RBFOX1: variants seen among roughly 807,000 people sequenced by gnomAD.
RBFOX1 encodes the protein RNA binding protein fox-1 homolog 1.
A neutral mutation model predicts 57.7 loss-of-function variants in RBFOX1; 8 were observed. That is an observed-to-expected ratio of 0.14 (90% CI 0.08 to 0.25). The LOEUF (loss-of-function observed/expected upper bound fraction) is 0.25, where lower values mean the gene tolerates loss of function less well. Ranked by LOEUF, RBFOX1 falls within the 10% of genes least tolerant of loss-of-function variation. The pLI, the probability that RBFOX1 is intolerant of heterozygous loss-of-function variation, is 1.00. For missense variants in RBFOX1, 611 were observed against 548.5 expected, an observed-to-expected ratio of 1.11 and a Z score of -1.14; for synonymous variants, 326 against 222.4, an observed-to-expected ratio of 1.47 and a Z score of -4.15.
At chr16:5,887,028 T>G (rs2057916434) in intron 4 of RBFOX1, among the ~76,000 whole-genome samples, 1 of 152,180 alleles carries the variant, frequency 6.6e-6, no homozygotes, top group Non-Finnish European at 1.5e-5. Context: ...TGCAGAATGT[T>G]TACCATCATT....
intron 3 of RBFOX1, among the ~76,000 whole-genome samples, chr16:7,033,021 G>A (rs371263358): frequency 1.3e-5 from 2 of 152,192 alleles, no homozygotes; most frequent in African/African-American, 4.8e-5. Flanking sequence ...AATAGCAGGA[G>A]CACCTACTGT....
rs116576105 is a variant in RBFOX1 at position 5,761,315 on chromosome 16, C to G, written c.319-105988C>G. ...CCCCCCAACTTTTTAAAATGGTTTT[C>G]TAGCCACTCAGCTGCAAAGAGATAG... On this transcript the variant is annotated intron_variant, in intron 3 of 19. Transcript: ENST00000641259. 5.6e-3 allele frequency among the ~76,000 whole-genome samples: 847 copies of G among 152,272 alleles called. 7 individuals are homozygous for G. Among genetic ancestry groups the G allele is most frequent in the African/African-American group, 0.017 (727 of 41,572 alleles).
At chr16:7,398,243 C>T (rs558542531) in intron 4 of RBFOX1, among the ~76,000 whole-genome samples, 1 of 152,302 alleles carries the variant, frequency 6.6e-6, no homozygotes, top group South Asian at 2.1e-4. Flanking sequence ...ATCACAGTGG[C>T]AGGAGCATAG....
chr16:5,369,414 A>G (rs1041641887), intron 1 of RBFOX1, among the ~76,000 whole-genome samples: 1 of 152,230 alleles, frequency 6.6e-6, no homozygotes, highest in African/African-American at 2.4e-5. Flanking sequence ...ACTGACAGAC[A>G]TAGTCGTCTC....
intron 3 of RBFOX1, among the ~76,000 whole-genome samples, chr16:6,708,748 C>T (rs149364842): frequency 7.9e-5 from 12 of 152,298 alleles, no homozygotes; most frequent in East Asian, 1.9e-4. Flanking sequence ...TCAACTCAGG[C>T]GTCCCTTCGA....
intron 3 of RBFOX1, among the ~76,000 whole-genome samples, chr16:6,806,823 T>TAAATATATAAATATATAAATATATAAAA: frequency 1.2e-5 from 1 of 83,704 alleles, no homozygotes; most frequent in South Asian, 3.6e-4. Flanking sequence ...TATAAATATA[T>TAAATATATAAATATATAAATATATAAAA]ATATATATAT....
intron 3 of RBFOX1, among the ~76,000 whole-genome samples, chr16:7,000,045 C>T (rs2092645970): frequency 6.9e-6 from 1 of 145,784 alleles, no homozygotes; most frequent in Non-Finnish European, 1.5e-5. Flanking sequence ...GCACTCCAGC[C>T]TGGGCAACAG....
intron 2 of RBFOX1, among the ~76,000 whole-genome samples, chr16:5,573,021 T>C (rs1189138128): frequency 6.6e-6 from 1 of 152,020 alleles, no homozygotes; most frequent in Admixed American, 6.5e-5. Context: ...CCACTGCATG[T>C]ACAGAGGGCC....
At chr16:5,513,232 C>A (rs763510308) in intron 2 of RBFOX1, among the ~76,000 whole-genome samples, 2 of 152,046 alleles carry the variant, frequency 1.3e-5, no homozygotes, top group African/African-American at 2.4e-5. Flanking sequence ...TTTTTAATGA[C>A]CTTGATGGTT....
chr16:5,460,624 C>T lies in RBFOX1; in HGVS notation c.220-6592C>T, dbSNP rs530520770. On this transcript the variant is annotated intron_variant, in intron 1 of 2. Coordinates refer to the RBFOX1 transcript ENST00000585867. ...CTGACAGTGCTCCTTGTCACAGCAA[C>T]ATGCTTTCCAGTGAAGGGTGAGGAA... 3.3e-5 allele frequency among the ~76,000 whole-genome samples: 5 copies of T among 152,340 alleles called. No homozygotes were observed. In the East Asian group the frequency reaches 9.6e-4, roughly 29 times the overall value.
chr16:6,856,755 G>A (rs962221823), intron 3 of RBFOX1, among the ~76,000 whole-genome samples: 5 of 152,070 alleles, frequency 3.3e-5, no homozygotes, highest in Admixed American at 2.0e-4. Flanking sequence ...TGATCCATTT[G>A]TCAAAAACCG....
At chr16:7,581,902 A>G (rs191871251) in intron 6 of RBFOX1, among the ~76,000 whole-genome samples, 341 of 151,954 alleles carry the variant, frequency 2.2e-3, no homozygotes, top group Admixed American at 3.6e-3. Context: ...TTTTTAATAG[A>G]GATGGGGTCT....
intron 3 of RBFOX1, among the ~76,000 whole-genome samples, chr16:5,753,550 G>A (rs1317742755): frequency 6.6e-6 from 1 of 152,290 alleles, no homozygotes; most frequent in East Asian, 1.9e-4. Context: ...CTCCTCCAGT[G>A]GTGTGCTGCA....
At chr16:7,139,978 T>G (rs1355271894) in intron 4 of RBFOX1, among the ~76,000 whole-genome samples, 3 of 152,072 alleles carry the variant, frequency 2.0e-5, no homozygotes, top group South Asian at 2.1e-4. Flanking sequence ...TGACTTGATA[T>G]CCAAGTCAAG....
At chr16:6,868,825 G>C (rs1384625242) in intron 3 of RBFOX1, among the ~76,000 whole-genome samples, 1 of 152,096 alleles carries the variant, frequency 6.6e-6, no homozygotes, top group African/African-American at 2.4e-5. Flanking sequence ...TCGAAAGATG[G>C]GCTTTGCCAT....
At chr16:6,885,583 G>C (rs1176370435) in intron 3 of RBFOX1, among the ~76,000 whole-genome samples, 2 of 151,914 alleles carry the variant, frequency 1.3e-5, no homozygotes, top group African/African-American at 4.8e-5. Context: ...CCAGGCTGGA[G>C]TGTAATGGCA....
intron 3 of RBFOX1, among the ~76,000 whole-genome samples, chr16:7,035,039 G>T (rs1174002635): frequency 6.6e-6 from 1 of 150,726 alleles, no homozygotes. Context: ...TTAGAGACAG[G>T]GTTTTACATT....
chr16:6,546,967 G>T (rs1007633654), intron 2 of RBFOX1, among the ~76,000 whole-genome samples: 1 of 152,198 alleles, frequency 6.6e-6, no homozygotes, highest in East Asian at 1.9e-4. Flanking sequence ...CTTTCAAAAA[G>T]TGAAGTAGGG....
intron 4 of RBFOX1, among the ~76,000 whole-genome samples, chr16:7,407,019 C>G (rs977293812): frequency 6.6e-6 from 1 of 152,120 alleles, no homozygotes; most frequent in Non-Finnish European, 1.5e-5. Flanking sequence ...CTGACTAACC[C>G]TAAGATAATC....
Sources: gnomAD v4.1 joint callset for allele counts (sites outside exome capture counted in the v4.1 genomes callset) on GRCh38, gnomAD v4.1.1 for gene constraint, MANE v1.5 for transcripts, NCBI Gene and HGNC (gene_info 2026-07-23, HGNC 2026-07-21) for gene names.